The following CLYBL variants were observed in gnomAD, a reference collection of about 807,000 sequenced individuals.
The protein encoded by CLYBL is citramalyl-CoA lyase, mitochondrial.
In CLYBL, 31 loss-of-function variants were observed where a neutral mutation model predicts 38.9. That is an observed-to-expected ratio of 0.80 (90% confidence interval 0.60 to 1.08). CLYBL has a LOEUF of 1.08. Among genes scored for constraint, CLYBL ranks in the 50% least tolerant of loss-of-function variants. The pLI, the probability that CLYBL is intolerant of heterozygous loss-of-function variation, is 0.00. For missense variants in CLYBL, 434 were observed against 411.6 expected (o/e 1.05, Z -0.47); for synonymous variants, 171 against 158.6 (o/e 1.08, Z -0.59).
intron 1 of CLYBL, among the ~76,000 whole-genome samples, chr13:99,756,236 G>A (rs535769616): frequency 1.3e-5 from 2 of 152,176 alleles, no homozygotes; most frequent in Admixed American, 6.5e-5. Context: ...TCAGTGGAAG[G>A]TTGTGTAATT....
rs1240970790 is a variant in CLYBL at position 99,849,494 on chromosome 13, C to T, written c.250-9367C>T. 3.9e-5 allele frequency among the ~76,000 whole-genome samples: 6 copies of T among 152,326 alleles called. No homozygotes were observed. The South Asian group carries it at 1.0e-3, about 26-fold the overall frequency. ...TGCCACTGCACTCCAGCCTGGCTGACACAGCAAGACCCTGTCTCTTAAAAA... is the reference window on the plus strand; with the variant it reads ...TGCCACTGCACTCCAGCCTGGCTGATACAGCAAGACCCTGTCTCTTAAAAA... On this transcript the variant is annotated intron_variant, in intron 2 of 8. Coordinates refer to ENST00000339105, the MANE Select transcript of CLYBL (RefSeq NM_206808.5). This position sits in a 1 kb window ranked among gnomAD's most constrained non-coding sequence, Gnocchi z 4.9.
At chr13:99,903,399 CACAT>C (rs148482882) in intron 8 of CLYBL, among the ~76,000 whole-genome samples, 6,103 of 151,590 alleles carry the variant, frequency 0.04, 162 homozygotes, top group Middle Eastern at 0.092. Flanking sequence ...CACTGACACA[CACAT>C]ACACTCACAC....
rs138411785 is a variant in CLYBL at position 99,816,228 on chromosome 13, G to T, written c.250-42633G>T. On this transcript the variant is annotated intron_variant, in intron 2 of 8. Coordinates refer to ENST00000339105, the MANE Select transcript of CLYBL (RefSeq NM_206808.5). ...AGAGACCAATAAGACTTGGTCATTT[G>T]TTCTGATTTGAACTCATTTGTTTAA... Among the ~76,000 whole-genome samples the T allele has an allele frequency of 2.7e-3, 407 of 152,312 alleles. 1 individual carries two copies. The highest frequency in any genetic ancestry group is 9.2e-3 in the African/African-American group (382 of 41,566).
At chr13:99,607,354 C>A (rs1412995418) in intron 1 of CLYBL, among the ~76,000 whole-genome samples, 1 of 151,760 alleles carries the variant, frequency 6.6e-6, no homozygotes, top group African/African-American at 2.4e-5. Flanking sequence ...TTGAAAATTT[C>A]TTTGGTTTAA....
At chr13:99,627,144 C>A (rs7998807) in intron 1 of CLYBL, among the ~76,000 whole-genome samples, 5,069 of 152,040 alleles carry the variant, frequency 0.033, 97 homozygotes, top group Middle Eastern at 0.11. Flanking sequence ...TTCATCAGTA[C>A]TTTATCATAG....
intron 1 of CLYBL, among the ~76,000 whole-genome samples, chr13:99,730,948 T>G (rs528893414): frequency 6.6e-6 from 1 of 152,008 alleles, no homozygotes; most frequent in South Asian, 2.1e-4. Flanking sequence ...CTGGGCGTGG[T>G]GGCAGATGCC....
intron 2 of CLYBL, among the ~76,000 whole-genome samples, chr13:99,855,649 G>T (rs1020503006): frequency 6.7e-6 from 1 of 148,458 alleles, no homozygotes; most frequent in Non-Finnish European, 1.5e-5. Context: ...TCACAACTGG[G>T]TGGACTGTGA....
At chr13:99,682,433 C>T (rs1209677397) in intron 1 of CLYBL, among the ~76,000 whole-genome samples, 3 of 152,032 alleles carry the variant, frequency 2.0e-5, no homozygotes, top group East Asian at 1.9e-4. Context: ...TGAGCCACCG[C>T]GCCCAGCCAG....
intron 1 of CLYBL, among the ~76,000 whole-genome samples, chr13:99,691,965 G>T (rs997436969): frequency 2.0e-5 from 3 of 152,164 alleles, no homozygotes; most frequent in Non-Finnish European, 4.4e-5. Context: ...TGAGTTTTCA[G>T]ACTGATCTTT....
chr13:99,756,968 G>A (rs1005193404), intron 1 of CLYBL, among the ~76,000 whole-genome samples: 2 of 152,054 alleles, frequency 1.3e-5, no homozygotes, highest in Non-Finnish European at 2.9e-5. Context: ...CGTGATCATG[G>A]CCCACTGCAG....
At chr13:99,894,736 C>CGG (rs71114646), downstream of CLYBL, 102 of 24,240 alleles carry the variant, frequency 4.2e-3, no homozygotes, top group African/African-American at 7.8e-3. Flanking sequence ...TTGCCTGAGG[C>CGG]GGGGGGGGGG....
chr13:99,670,401 C>G (rs2047548064), intron 1 of CLYBL, among the ~76,000 whole-genome samples: 1 of 152,278 alleles, frequency 6.6e-6, no homozygotes, highest in East Asian at 1.9e-4. Flanking sequence ...AGAAGTTCTT[C>G]ACCATCCAAG....
chr13:99,901,659 T>C (rs1359520664), downstream of CLYBL, among the ~76,000 whole-genome samples: 6 of 63,390 alleles, frequency 9.5e-5, no homozygotes, highest in South Asian at 2.5e-3. Context: ...TTTTTTTTTG[T>C]TTGTTTGTTT....
chr13:99,698,730 A>T (rs1457837257), intron 1 of CLYBL, among the ~76,000 whole-genome samples: 2 of 152,194 alleles, frequency 1.3e-5, no homozygotes, highest in African/African-American at 4.8e-5. Context: ...TAAAAATTAG[A>T]ATGTGTGGTT....
At chr13:99,775,726 C>A (rs1322771585) in intron 2 of CLYBL, among the ~76,000 whole-genome samples, 1 of 152,076 alleles carries the variant, frequency 6.6e-6, no homozygotes, top group East Asian at 1.9e-4. Context: ...CCAGGCTGTT[C>A]TTGAACTCTT....
At chr13:99,866,648 T>TC (rs2051753934) in intron 6 of CLYBL, among the ~76,000 whole-genome samples, 2 of 151,922 alleles carry the variant, frequency 1.3e-5, no homozygotes, top group South Asian at 4.2e-4. Flanking sequence ...TTTTTTTTTT[T>TC]TCTCTCCATC....
intron 2 of CLYBL, among the ~76,000 whole-genome samples, chr13:99,785,602 A>AT (rs34774913): frequency 0.39 from 55,652 of 143,474 alleles, 13,340 homozygotes; most frequent in Non-Finnish European, 0.55. Flanking sequence ...TAAATAATAC[A>AT]TTTTTTTTTT....
chr13:99,829,274 TC>T (rs1230064146), intron 2 of CLYBL, among the ~76,000 whole-genome samples: 1 of 152,196 alleles, frequency 6.6e-6, no homozygotes, highest in Non-Finnish European at 1.5e-5. Flanking sequence ...ATGCAAACCT[TC>T]CTGTTTTTTT....
At chr13:99,775,184 A>T (rs574160366) in intron 2 of CLYBL, among the ~76,000 whole-genome samples, 1 of 152,172 alleles carries the variant, frequency 6.6e-6, no homozygotes, top group Non-Finnish European at 1.5e-5. Flanking sequence ...GTTCTTCACA[A>T]ATCTTGAGGT....
Sources: gnomAD v4.1 joint callset for allele counts (sites outside exome capture counted in the v4.1 genomes callset) on GRCh38, gnomAD v4.1.1 for gene constraint, Gnocchi (gnomAD v3.1) non-coding constraint, MANE v1.5 for transcripts, NCBI Gene and HGNC (gene_info 2026-07-23, HGNC 2026-07-21) for gene names.